The following TTLL5 variants were observed in gnomAD, a reference collection of about 807,000 sequenced individuals.
TTLL5 encodes the protein tubulin polyglutamylase TTLL5.
In TTLL5, 132 loss-of-function variants were observed where a neutral mutation model predicts 168.4. The ratio of observed to expected loss-of-function variants is 0.78; its 90% CI spans 0.68 to 0.91. The LOEUF is 0.91. TTLL5 is among the 40% of genes least tolerant of loss of function. The probability of loss-of-function intolerance (pLI) is 0.00; values close to 1 mark genes in which losing one functional copy is unlikely to be tolerated. For missense variants in TTLL5, 1,545 were observed against 1,581.5 expected, an observed-to-expected ratio of 0.98 and a Z score of 0.39; for synonymous variants, 546 against 558.6, an observed-to-expected ratio of 0.98 and a Z score of 0.32.
At chr14:75,874,059 A>G (rs569914280) in intron 29 of TTLL5, among the ~76,000 whole-genome samples, 46 of 148,194 alleles carry the variant, frequency 3.1e-4, no homozygotes, top group Non-Finnish European at 6.2e-4. Flanking sequence ...GATTAATACC[A>G]TGATTAAATG....
At chr14:75,665,738 G>C (rs868426880) in intron 2 of TTLL5, among the ~76,000 whole-genome samples, 17 of 152,140 alleles carry the variant, frequency 1.1e-4, no homozygotes, top group Admixed American at 4.6e-4. Flanking sequence ...GGTAATCCCA[G>C]CTACTCGGGA....
chr14:75,767,307 T>G (rs1347228744), intron 20 of TTLL5, among the ~76,000 whole-genome samples: 1 of 152,232 alleles, frequency 6.6e-6, no homozygotes. Flanking sequence ...GCCTGGAGTT[T>G]ACAGTCTAGT....
At chr14:75,835,864 A>G (rs1895837750) in intron 28 of TTLL5, among the ~76,000 whole-genome samples, 1 of 152,222 alleles carries the variant, frequency 6.6e-6, no homozygotes, top group Non-Finnish European at 1.5e-5. Context: ...CACCCCAGTT[A>G]AAATGGCTTA....
chr14:75,697,587 G>A (rs1885961661), intron 6 of TTLL5, among the ~76,000 whole-genome samples: 1 of 152,202 alleles, frequency 6.6e-6, no homozygotes, highest in African/African-American at 2.4e-5. Context: ...GCTCATGTCA[G>A]AGGGAGAGGA....
intron 21 of TTLL5, among the ~76,000 whole-genome samples, chr14:75,773,975 G>GAGAGAGAGAGAGAGAAAGAGAGAA (rs1566598312): frequency 2.2e-5 from 3 of 135,600 alleles, no homozygotes; most frequent in African/African-American, 8.5e-5. Flanking sequence ...GAGAGAGAGA[G>GAGAGAGAGAGAGAGAAAGAGAGAA]AGAGAGAGAG....
At chr14:75,705,118 A>G (rs1366331899) in intron 7 of TTLL5, among the ~76,000 whole-genome samples, 20 of 152,262 alleles carry the variant, frequency 1.3e-4, no homozygotes, top group Non-Finnish European at 1.5e-5. Flanking sequence ...AAATGGAGAT[A>G]GTACTTACGA....
At chr14:75,924,903 G>A (rs1263032693) in intron 31 of TTLL5, among the ~76,000 whole-genome samples, 3 of 150,010 alleles carry the variant, frequency 2.0e-5, no homozygotes, top group Non-Finnish European at 4.5e-5. Flanking sequence ...GCGGCTGGTC[G>A]GGCGGGGGGC....
chr14:75,664,161 T>G (rs1202272725), intron 2 of TTLL5, among the ~76,000 whole-genome samples: 1 of 152,186 alleles, frequency 6.6e-6, no homozygotes, highest in Non-Finnish European at 1.5e-5. Flanking sequence ...ATCTATATCT[T>G]ATATCTTTTT....
At chr14:75,841,272 G>GT (rs1404625536) in intron 28 of TTLL5, among the ~76,000 whole-genome samples, 2 of 152,084 alleles carry the variant, frequency 1.3e-5, no homozygotes, top group Non-Finnish European at 2.9e-5. Flanking sequence ...TGGATTTTAG[G>GT]TTTAGATATT....
rs1293389488 is a variant in TTLL5 at position 75,699,172 on chromosome 14, C to A, written c.503-16C>A. 1.2e-6 allele frequency: 2 copies of A among 1,604,976 alleles called. No individual in the cohort carries two copies. Among genetic ancestry groups the A allele is most frequent in the Non-Finnish European group, 8.5e-7 (1 of 1,172,098 alleles). On this transcript the variant is annotated splice_polypyrimidine_tract_variant and intron_variant, in intron 6 of 31. Transcript: ENST00000298832. Reference sequence around the variant, plus strand: ...CTTTGTTTCCTCTGTTTTTTATCTCCCAATATTTTGAGCAGATTCATATTC... The same window carrying A: ...CTTTGTTTCCTCTGTTTTTTATCTCACAATATTTTGAGCAGATTCATATTC...
At chr14:75,691,904 A>G (rs1055036630) in intron 6 of TTLL5, among the ~76,000 whole-genome samples, 1 of 152,226 alleles carries the variant, frequency 6.6e-6, no homozygotes, top group African/African-American at 2.4e-5. Flanking sequence ...GCAGTTCATC[A>G]GGAATGCCTG....
At chr14:75,717,024 A>C (rs187578865) in intron 9 of TTLL5, among the ~76,000 whole-genome samples, 2 of 151,528 alleles carry the variant, frequency 1.3e-5, no homozygotes, top group Non-Finnish European at 2.9e-5. Context: ...GATCAGTTCT[A>C]TTCTTTCTAT....
intron 31 of TTLL5, among the ~76,000 whole-genome samples, chr14:75,921,177 C>T (rs565255859): frequency 1.2e-4 from 19 of 152,236 alleles, no homozygotes; most frequent in African/African-American, 4.3e-4. Context: ...CTGTAGGTTG[C>T]CTGTTCACTC....
At chr14:75,867,437 A>T (rs1482113225) in intron 29 of TTLL5, among the ~76,000 whole-genome samples, 2 of 152,316 alleles carry the variant, frequency 1.3e-5, no homozygotes, top group African/African-American at 4.8e-5. Context: ...AGCACTATTC[A>T]GGGTTCTCTA....
At position 75,782,621 on chromosome 14, in the gene TTLL5, C is replaced by G; in HGVS notation, c.2602+48C>G. 2.7e-6 allele frequency: 4 copies of G among 1,479,788 alleles called. No individual in the cohort carries two copies. The Middle Eastern group carries it at 7.0e-4, about 257-fold the overall frequency. The allele number at this position is 1,479,788 out of a possible 1,614,324, so 91.7% of individuals were successfully genotyped here. On this transcript the variant is annotated intron_variant, in intron 25 of 31. Coordinates refer to ENST00000298832, the MANE Select transcript of TTLL5 (RefSeq NM_015072.5). Reference sequence around the variant, plus strand: ...AGATTTGCTGCTCTCTGATAATTTCCTAAAAGAAGGAAATAGTCATCAGAT... The same window carrying G: ...AGATTTGCTGCTCTCTGATAATTTCGTAAAAGAAGGAAATAGTCATCAGAT...
chr14:75,863,996 C>A, intron 29 of TTLL5, 134 bp downstream of exon 29: 1 of 893,434 alleles, frequency 1.1e-6, no homozygotes, highest in Non-Finnish European at 1.6e-6. Flanking sequence ...GCTTGGACAG[C>A]TCATGGGGAG....
intron 31 of TTLL5, among the ~76,000 whole-genome samples, chr14:75,950,640 T>C (rs2034933339): frequency 6.6e-6 from 1 of 152,204 alleles, no homozygotes; most frequent in African/African-American, 2.4e-5. Flanking sequence ...TACTGTTTTA[T>C]TTTTTATGTA....
intron 28 of TTLL5, among the ~76,000 whole-genome samples, chr14:75,825,140 C>A (rs928783602): frequency 6.6e-6 from 1 of 152,076 alleles, no homozygotes; most frequent in African/African-American, 2.4e-5. Flanking sequence ...GTGAAAGTGG[C>A]CAGCATGGTT....
rs140637510 is a variant in TTLL5, at chr14:75,928,386, A to C, written c.3824-26038A>C. Among the ~76,000 whole-genome samples, 626 of 72,516 alleles carry C rather than the reference A, an allele frequency of 8.6e-3. 10 individuals are homozygous for C. The highest frequency in any genetic ancestry group is 0.052 in the South Asian group (116 of 2,252). 47.6% of individuals were successfully genotyped at this position (72,516 alleles called of 152,430 possible). Reference sequence around the variant, plus strand: ...ATATATATCACTGTATTTCTGCTTTACTCTATCATTTCCTGGGCAAAATGT... The same window carrying C: ...ATATATATCACTGTATTTCTGCTTTCCTCTATCATTTCCTGGGCAAAATGT... On this transcript the variant is annotated intron_variant, in intron 31 of 31. Coordinates refer to ENST00000298832, the MANE Select transcript of TTLL5 (RefSeq NM_015072.5).
Sources: allele counts gnomAD v4.1 joint callset (sites outside exome capture counted in the v4.1 genomes callset), GRCh38; gene constraint gnomAD v4.1.1; transcripts MANE v1.5; gene names NCBI Gene and HGNC (gene_info 2026-07-23, HGNC 2026-07-21).